The following LRIF1 variants were observed in gnomAD, a reference collection of about 807,000 sequenced individuals.
LRIF1 encodes the protein ligand-dependent nuclear receptor-interacting factor 1.
Under a neutral mutation model 52.7 loss-of-function variants are expected in LRIF1, and 32 were observed. The ratio of observed to expected loss-of-function variants is 0.61; its 90% CI spans 0.46 to 0.82. The LOEUF (loss-of-function observed/expected upper bound fraction) is 0.82, where lower values mean the gene tolerates loss of function less well. LRIF1 is among the 40% of genes least tolerant of loss of function. The pLI, the probability that LRIF1 is intolerant of heterozygous loss-of-function variation, is 0.00. For missense variants in LRIF1, 887 were observed against 892.0 expected, an observed-to-expected ratio of 0.99 and a Z score of 0.07; for synonymous variants, 323 against 317.4, an observed-to-expected ratio of 1.02 and a Z score of -0.19.
At chr1:110,880,889 A>G in the LRIF1 span, among the ~76,000 whole-genome samples, 1 of 152,130 alleles carries the variant, frequency 6.6e-6, no homozygotes, top group South Asian at 2.1e-4. Context: ...CTTAGACACA[A>G]ACAGAGAGGA....
chr1:110,910,516 G>A, the LRIF1 span, among the ~76,000 whole-genome samples: 52 of 152,168 alleles, frequency 3.4e-4, no homozygotes, highest in African/African-American at 1.1e-3. Flanking sequence ...CAGGAGAATC[G>A]CTTGAATCCA....
At chr1:110,954,704 T>A (rs1287739458) in intron 1 of LRIF1, among the ~76,000 whole-genome samples, 1 of 152,162 alleles carries the variant, frequency 6.6e-6, no homozygotes, top group African/African-American at 2.4e-5. Context: ...TGTTTTAAGT[T>A]AAGCACCAGG....
In LRIF1 at chr1:110,952,185, A is replaced by C. The variant is rs772178031; in HGVS notation, c.699T>G (p.Ser233=). Residue 233 remains serine (S), a synonymous_variant, in exon 2 of 4, where the codon TCT becomes TCG. Transcript: ENST00000369763. ...ASQMPTVIYV[S]PVNTVKNVVT... The stretch of plus-strand genomic sequence containing the variant: ...CTACATTTTTCACTGTATTTACAGG[A>C]GATACATAAATAACGGTTGGCATTT... 1 of 1,614,222 alleles carries C rather than the reference A, an allele frequency of 6.2e-7. No homozygotes were observed. The highest frequency in any genetic ancestry group is 1.1e-5 in the South Asian group (1 of 91,086).
Position 110,963,654 on chromosome 1 carries a change from G to A in LRIF1, c.35C>T (p.Pro12Leu), listed in dbSNP as rs1437621433. Residue 12 changes from proline to leucine, a missense_variant, in exon 1 of 4, where the codon CCC becomes CTC. Coordinates refer to ENST00000369763, the MANE Select transcript of LRIF1 (RefSeq NM_018372.4). ...SNNLRRVFLK[P>L]AEENSGNASR... The stretch of plus-strand genomic sequence containing the variant: ...GGCGTTGCCTGAATTTTCCTCTGCG[G>A]GTTTCAGGAAGACCCTCCGTAGGTT... The A allele has an allele frequency of 1.9e-6, 3 of 1,610,202 alleles. No homozygotes were observed. The highest frequency in any genetic ancestry group is 2.5e-6 in the Non-Finnish European group (3 of 1,177,044).
At chr1:110,907,994 T>C in the LRIF1 span, among the ~76,000 whole-genome samples, 1 of 152,354 alleles carries the variant, frequency 6.6e-6, no homozygotes, top group Admixed American at 6.5e-5. Context: ...GCCCAACTTG[T>C]TTATATTTCA....
Position 110,963,754 on chromosome 1 carries a change from G to A in LRIF1, c.-66C>T. The A allele has an allele frequency of 2.3e-6, 3 of 1,308,172 alleles. No individual in the cohort carries two copies. The highest frequency in any genetic ancestry group is 1.3e-5 in the South Asian group (1 of 79,370). The allele number at this position is 1,308,172 out of a possible 1,614,324, so 81.0% of individuals were successfully genotyped here. ...GAAGCGTGGGGCCGAGTTTCCCAATGGGGCGAGAACCAGAGCGAGGGAATG... is the reference window on the plus strand; with the variant it reads ...GAAGCGTGGGGCCGAGTTTCCCAATAGGGCGAGAACCAGAGCGAGGGAATG... On this transcript the variant is annotated 5_prime_UTR_variant, in exon 1 of 4. Transcript: ENST00000369763.
At chr1:110,945,967 T>C (rs1228448364), downstream of LRIF1, among the ~76,000 whole-genome samples, 1 of 152,300 alleles carries the variant, frequency 6.6e-6, no homozygotes, top group South Asian at 2.1e-4. Context: ...AACACAGTTA[T>C]TGTATGACCC....
chr1:110,938,457 T>C, the LRIF1 span: 5 of 152,082 alleles, frequency 3.3e-5, no homozygotes, highest in East Asian at 5.8e-4. Context: ...AAGATAAAAA[T>C]GATATGATCA....
chr1:110,896,688 G>A, the LRIF1 span: 1 of 1,613,396 alleles, frequency 6.2e-7, no homozygotes, highest in Non-Finnish European at 8.5e-7. Context: ...CGAGTGATTG[G>A]ACCAGTGGCC....
the LRIF1 span, among the ~76,000 whole-genome samples, chr1:110,921,449 T>A: frequency 6.6e-6 from 1 of 152,126 alleles, no homozygotes; most frequent in African/African-American, 2.4e-5. Flanking sequence ...TGTAAAACAA[T>A]TAAAGGTCCA....
At chr1:110,911,283 A>T in the LRIF1 span, among the ~76,000 whole-genome samples, 1 of 152,186 alleles carries the variant, frequency 6.6e-6, no homozygotes, top group African/African-American at 2.4e-5. Context: ...ACAACCTCCC[A>T]AGACTGAAGT....
chr1:110,961,265 T>C (rs1270936346), intron 1 of LRIF1, among the ~76,000 whole-genome samples: 1 of 152,184 alleles, frequency 6.6e-6, no homozygotes, highest in Non-Finnish European at 1.5e-5. Context: ...CCATATCCTA[T>C]TATTAATCAG....
chr1:110,943,858 A>C (rs1658142603), downstream of LRIF1: 3 of 152,164 alleles, frequency 2.0e-5, no homozygotes, highest in Non-Finnish European at 4.4e-5. Context: ...TTGAGGCAAA[A>C]ATTTCAACTT....
chr1:110,915,212 G>A, the LRIF1 span, among the ~76,000 whole-genome samples: 4 of 152,174 alleles, frequency 2.6e-5, no homozygotes, highest in South Asian at 2.1e-4. Context: ...ACGGCCGGGC[G>A]CGGTGGCTCA....
chr1:110,936,206 C>T, the LRIF1 span, among the ~76,000 whole-genome samples: 1 of 152,108 alleles, frequency 6.6e-6, no homozygotes, highest in African/African-American at 2.4e-5. Flanking sequence ...AAAGGGAGTA[C>T]CTCAGTCAGA....
the LRIF1 span, among the ~76,000 whole-genome samples, chr1:110,921,245 T>C: frequency 8.4e-6 from 1 of 119,388 alleles, no homozygotes; most frequent in Non-Finnish European, 1.9e-5. Flanking sequence ...GTTCATGTTT[T>C]CAATGCTTGG....
the LRIF1 span, among the ~76,000 whole-genome samples, chr1:110,901,922 GC>G: frequency 6.6e-6 from 1 of 152,028 alleles, no homozygotes; most frequent in African/African-American, 2.4e-5. Flanking sequence ...AGTTTTCCTA[GC>G]CAGAAGCCTA....
At chr1:110,950,640 G>A (rs575973546) in intron 2 of LRIF1, among the ~76,000 whole-genome samples, 4 of 151,576 alleles carry the variant, frequency 2.6e-5, no homozygotes, top group African/African-American at 4.9e-5. Context: ...ACCTTAAGTC[G>A]AACATAAAGG....
the LRIF1 span, chr1:110,894,471 A>G: frequency 8.8e-7 from 1 of 1,141,702 alleles, no homozygotes; most frequent in Non-Finnish European, 1.3e-6. Flanking sequence ...AGAAGTTGGT[A>G]CAAAGTTACA....
Sources: allele counts gnomAD v4.1 joint callset (sites outside exome capture counted in the v4.1 genomes callset), GRCh38; gene constraint gnomAD v4.1.1; transcripts MANE v1.5; gene names NCBI Gene and HGNC (gene_info 2026-07-23, HGNC 2026-07-21).